The following GPC5 variants were observed in gnomAD, a reference collection of about 807,000 sequenced individuals.
GPC5 encodes the protein glypican-5.
GPC5 carries 47 observed loss-of-function variants against 53.9 expected under a neutral mutation model. That is an observed-to-expected ratio of 0.87 (90% CI 0.69 to 1.11). The LOEUF is 1.11. Among genes scored for constraint, GPC5 ranks in the 50% most tolerant of loss-of-function variants. The pLI, the probability that GPC5 is intolerant of heterozygous loss-of-function variation, is 0.00. For missense variants in GPC5, 748 were observed against 713.1 expected (o/e 1.05, Z -0.56); for synonymous variants, 286 against 263.3 (o/e 1.09, Z -0.84).
chr13:91,502,129 T>C (rs1038951219), intron 2 of GPC5, among the ~76,000 whole-genome samples: 9 of 152,204 alleles, frequency 5.9e-5, no homozygotes, highest in African/African-American at 1.7e-4. Flanking sequence ...GAGTTCATTG[T>C]AGATTCTGGA....
intron 7 of GPC5, among the ~76,000 whole-genome samples, chr13:92,865,497 A>G (rs1309876425): frequency 1.3e-5 from 2 of 152,112 alleles, no homozygotes; most frequent in Admixed American, 1.3e-4. Context: ...CTGCCAGGGG[A>G]TGGATGTGGG....
intron 2 of GPC5, among the ~76,000 whole-genome samples, chr13:91,541,139 A>G (rs958361693): frequency 1.3e-5 from 2 of 152,196 alleles, no homozygotes; most frequent in African/African-American, 2.4e-5. Context: ...TCTAATGCTC[A>G]TTCACATGAT....
intron 3 of GPC5, among the ~76,000 whole-genome samples, chr13:91,695,862 A>G (rs558765085): frequency 1.3e-5 from 2 of 152,294 alleles, no homozygotes; most frequent in African/African-American, 4.8e-5. Context: ...GGAAACCTGA[A>G]GGGCCTTTTT....
At chr13:92,568,296 A>C (rs1458521656) in intron 7 of GPC5, among the ~76,000 whole-genome samples, 2 of 152,236 alleles carry the variant, frequency 1.3e-5, no homozygotes, top group Non-Finnish European at 2.9e-5. Flanking sequence ...TACCATGAGA[A>C]AATTCTAAGT....
At chr13:91,775,013 G>T (rs1037687096) in intron 5 of GPC5, among the ~76,000 whole-genome samples, 5 of 152,124 alleles carry the variant, frequency 3.3e-5, no homozygotes, top group African/African-American at 1.2e-4. Flanking sequence ...GGTGAAATGG[G>T]TAAGAGAAGA....
intron 6 of GPC5, among the ~76,000 whole-genome samples, chr13:92,006,306 T>C (rs2138764096): frequency 6.6e-6 from 1 of 152,266 alleles, no homozygotes; most frequent in South Asian, 2.1e-4. Flanking sequence ...GAAATATATG[T>C]ATATTTTGAC....
At chr13:92,034,712 A>G (rs1293133899) in intron 6 of GPC5, among the ~76,000 whole-genome samples, 1 of 152,068 alleles carries the variant, frequency 6.6e-6, no homozygotes, top group Non-Finnish European at 1.5e-5. Context: ...TGCATATTTT[A>G]TTGATGATGA....
chr13:92,685,056 C>G (rs1307707220), intron 7 of GPC5, among the ~76,000 whole-genome samples: 1 of 151,890 alleles, frequency 6.6e-6, no homozygotes, highest in Non-Finnish European at 1.5e-5. Flanking sequence ...ATTTTCCTTT[C>G]CCTTTCCATT....
chr13:92,159,593 CTTTTTTTTTTT>C (rs71120074), intron 7 of GPC5, among the ~76,000 whole-genome samples: 3 of 57,218 alleles, frequency 5.2e-5, no homozygotes, highest in Non-Finnish European at 1.0e-4. Context: ...TACCAATGTT[CTTTTTTTTTTT>C]TTTTTTTTTT....
chr13:92,799,831 A>C (rs1876835082), intron 7 of GPC5, among the ~76,000 whole-genome samples: 1 of 151,806 alleles, frequency 6.6e-6, no homozygotes, highest in South Asian at 2.1e-4. Context: ...CTATAGATAA[A>C]TGTGCATCCA....
At chr13:91,533,052 TAAG>T (rs1886423504) in intron 2 of GPC5, among the ~76,000 whole-genome samples, 1 of 152,212 alleles carries the variant, frequency 6.6e-6, no homozygotes, top group Non-Finnish European at 1.5e-5. Flanking sequence ...CTCTGGAAGA[TAAG>T]AACTTTTGAG....
At chr13:92,840,092 T>TATATATAC (rs1878381322) in intron 7 of GPC5, among the ~76,000 whole-genome samples, 1 of 55,938 alleles carries the variant, frequency 1.8e-5, no homozygotes, top group African/African-American at 6.5e-5. Context: ...TATATATATA[T>TATATATAC]ATATATATAT....
intron 7 of GPC5, among the ~76,000 whole-genome samples, chr13:92,623,031 A>AT (rs1324854664): frequency 1.3e-5 from 2 of 151,702 alleles, no homozygotes; most frequent in Admixed American, 6.6e-5. Context: ...AAAAAGTTAT[A>AT]TTTTTTTTAC....
At chr13:92,081,558 T>G (rs1048372638) in intron 6 of GPC5, among the ~76,000 whole-genome samples, 1 of 152,184 alleles carries the variant, frequency 6.6e-6, no homozygotes, top group South Asian at 2.1e-4. Context: ...CTGAGGACCC[T>G]TTACTAGTGC....
intron 2 of GPC5, among the ~76,000 whole-genome samples, chr13:91,451,337 C>T (rs894688502): frequency 1.3e-5 from 2 of 152,064 alleles, no homozygotes; most frequent in Non-Finnish European, 2.9e-5. Flanking sequence ...CCTCATGGAC[C>T]TTATGTGACC....
At chr13:91,615,301 A>G (rs2033665642) in intron 2 of GPC5, among the ~76,000 whole-genome samples, 1 of 152,162 alleles carries the variant, frequency 6.6e-6, no homozygotes. Flanking sequence ...GATAATTCCC[A>G]CATGTCCACA....
chr13:92,289,607 A>T (rs1310669133), intron 7 of GPC5, among the ~76,000 whole-genome samples: 1 of 152,006 alleles, frequency 6.6e-6, no homozygotes, highest in Non-Finnish European at 1.5e-5. Context: ...ATAACTATGT[A>T]TCAGGAACTA....
intron 7 of GPC5, among the ~76,000 whole-genome samples, chr13:92,569,849 C>G (rs115723880): frequency 3.2e-4 from 49 of 152,138 alleles, no homozygotes; most frequent in Non-Finnish European, 1.5e-4. Context: ...TGATACAGCA[C>G]GGAACTATCA....
chr13:92,507,980 G>T (rs552204359), intron 7 of GPC5, among the ~76,000 whole-genome samples: 13 of 151,812 alleles, frequency 8.6e-5, no homozygotes, highest in Non-Finnish European at 1.6e-4. Flanking sequence ...GTTTTTTGTT[G>T]TTGAGCTGGA....
Sources: allele counts gnomAD v4.1 joint callset (sites outside exome capture counted in the v4.1 genomes callset), GRCh38; gene constraint gnomAD v4.1.1; transcripts MANE v1.5; gene names NCBI Gene and HGNC (gene_info 2026-07-23, HGNC 2026-07-21).